DYTN: variants seen among roughly 807,000 people sequenced by gnomAD.
DYTN encodes the protein dystrotelin.
A neutral mutation model predicts 69.6 loss-of-function variants in DYTN; 75 were observed. That is an observed-to-expected ratio of 1.08 (90% CI 0.89 to 1.31). The LOEUF is 1.31. DYTN is among the 50% of genes most tolerant of loss of function. The probability of loss-of-function intolerance (pLI) is 0.00; values close to 1 mark genes in which losing one functional copy is unlikely to be tolerated. For synonymous variants in DYTN, 252 were observed against 249.1 expected, an observed-to-expected ratio of 1.01 and a Z score of -0.11; for missense variants, 726 against 688.4, an observed-to-expected ratio of 1.05 and a Z score of -0.61.
At chr2:206,718,201 C>T in intron 1 of DYTN, 60 bp downstream of exon 1, 1 of 1,536,736 alleles carries the variant, frequency 6.5e-7, no homozygotes. Context: ...GAAAATATAA[C>T]ATCTGTGCCT....
At position 206,665,943 on chromosome 2, in the gene DYTN, G is replaced by A; in HGVS notation, c.1067C>T (p.Thr356Ile). The change falls in exon 10 of 12, where the codon ACA (threonine) becomes ATA (isoleucine). Residue 356 changes from threonine (T) to isoleucine (I), a missense_variant. Physicochemically the swap from Thr to Ile is moderately conservative, Grantham distance 89. Transcript: ENST00000452335. ...GTTGGTTTTGAGTTTGTGAATCCTTGTTTCAAATCGACAAATTCTTTCTTC... is the reference window on the plus strand; with the variant it reads ...GTTGGTTTTGAGTTTGTGAATCCTTATTTCAAATCGACAAATTCTTTCTTC... ...SQEERICRFE[T>I]RIHKLKTNQD... The A allele has an allele frequency of 6.2e-7, 1 of 1,613,904 alleles. No homozygotes were observed. The highest frequency in any genetic ancestry group is 1.1e-5 in the South Asian group (1 of 91,082).
chr2:206,660,997 G>A (rs912240394), intron 11 of DYTN, among the ~76,000 whole-genome samples: 2 of 152,112 alleles, frequency 1.3e-5, no homozygotes, highest in Admixed American at 6.5e-5. Context: ...TCTTTAAAGA[G>A]ATAATTAAGT....
At chr2:206,658,059 CCTT>C (rs370650227) in intron 11 of DYTN, among the ~76,000 whole-genome samples, 41 of 152,044 alleles carry the variant, frequency 2.7e-4, no homozygotes, top group African/African-American at 9.6e-4. Flanking sequence ...TTCTTTTTTC[CCTT>C]CTTGTCAGAT....
intron 11 of DYTN, among the ~76,000 whole-genome samples, chr2:206,659,323 C>A (rs1451204155): frequency 1.3e-5 from 2 of 151,176 alleles, no homozygotes; most frequent in African/African-American, 4.9e-5. Flanking sequence ...AGGCTCCAGC[C>A]ACCACGCCCG....
intron 11 of DYTN, among the ~76,000 whole-genome samples, chr2:206,657,842 T>C (rs1310296168): frequency 1.3e-5 from 2 of 152,226 alleles, no homozygotes; most frequent in East Asian, 1.9e-4. Context: ...AGTGTTGAAG[T>C]CTTTCAGTTC....
intron 1 of DYTN, among the ~76,000 whole-genome samples, chr2:206,717,389 T>C (rs1700139882): frequency 6.6e-6 from 1 of 152,208 alleles, no homozygotes; most frequent in Non-Finnish European, 1.5e-5. Flanking sequence ...AGCAGCATCA[T>C]GTCACCTGGG....
chr2:206,712,271 G>C lies in DYTN; in HGVS notation c.20-1673C>G, dbSNP rs556044440. Among the ~76,000 whole-genome samples, 62 of 152,234 alleles carry C rather than the reference G, an allele frequency of 4.1e-4. 1 individual carries two copies. The highest frequency in any genetic ancestry group is 3.6e-3 in the Admixed American group (55 of 15,302). On this transcript the variant is annotated intron_variant, in intron 1 of 11. Coordinates refer to ENST00000452335, the MANE Select transcript of DYTN (RefSeq NM_001093730.1). Reference sequence around the variant, plus strand: ...CTTAGCAGGCCCCGGGGGTAAATCTGATGCAAACGAAAGTTTGAAAACTAC... The same window carrying C: ...CTTAGCAGGCCCCGGGGGTAAATCTCATGCAAACGAAAGTTTGAAAACTAC...
chr2:206,685,985 G>A (rs1433270376), intron 9 of DYTN, among the ~76,000 whole-genome samples: 2 of 113,006 alleles, frequency 1.8e-5, no homozygotes, highest in East Asian at 2.8e-4. Context: ...AATAGAGTGC[G>A]GAAAAAAAAA....
intron 2 of DYTN, 99 bp from the exon 3 acceptor site, chr2:206,707,602 TTATGGTCGC>T (rs1164326317): frequency 8.4e-7 from 1 of 1,196,476 alleles, no homozygotes; most frequent in Non-Finnish European, 1.2e-6. Context: ...TTAAGACTTT[TTATGGTCGC>T]TATTTTCTTT....
intron 5 of DYTN, among the ~76,000 whole-genome samples, chr2:206,700,810 G>A (rs765687391): frequency 2.0e-4 from 30 of 151,906 alleles, no homozygotes; most frequent in Admixed American, 1.4e-3. Flanking sequence ...CCCTCCCTGC[G>A]TCCATGTGTT....
rs201022078 is a variant in DYTN, at chr2:206,694,921, A to G, written c.720-44T>C. ...GCACAGCTTACGTCACTAGTAGATG[A>G]GAAAAAAAAAAAAAAAAGAATATCC... is the stretch of plus-strand genomic sequence containing the variant. On this transcript the variant is annotated intron_variant, in intron 7 of 11. Coordinates refer to ENST00000452335, the MANE Select transcript of DYTN (RefSeq NM_001093730.1). 4.6e-3 allele frequency: 4,588 copies of G among 1,005,728 alleles called. 7 individuals are homozygous for G. The highest frequency in any genetic ancestry group is 0.015 in the African/African-American group (657 of 43,554). 62.3% of individuals were successfully genotyped at this position (1,005,728 alleles called of 1,614,324 possible).
chr2:206,716,089 AAAAC>A (rs961791067), intron 1 of DYTN, among the ~76,000 whole-genome samples: 4 of 152,184 alleles, frequency 2.6e-5, no homozygotes, highest in South Asian at 2.1e-4. Flanking sequence ...TCCATCTCAA[AAAAC>A]AAACAAACAA....
chr2:206,702,621 C>T (rs1000015628), intron 5 of DYTN, among the ~76,000 whole-genome samples: 3 of 152,196 alleles, frequency 2.0e-5, no homozygotes, highest in Non-Finnish European at 4.4e-5. Flanking sequence ...AACTGGACCA[C>T]TTATTTAGAC....
At chr2:206,701,569 A>G (rs1418352014) in intron 5 of DYTN, among the ~76,000 whole-genome samples, 1 of 152,228 alleles carries the variant, frequency 6.6e-6, no homozygotes, top group Admixed American at 6.5e-5. Flanking sequence ...TCGCACTTAC[A>G]TGTGGAATCT....
intron 9 of DYTN, among the ~76,000 whole-genome samples, chr2:206,689,822 C>T (rs1699846559): frequency 6.6e-6 from 1 of 152,230 alleles, no homozygotes; most frequent in Non-Finnish European, 1.5e-5. Context: ...TTCACCTTAT[C>T]TATCCATCCA....
intron 9 of DYTN, among the ~76,000 whole-genome samples, chr2:206,673,404 C>T (rs1001276377): frequency 1.2e-4 from 18 of 152,092 alleles, no homozygotes; most frequent in South Asian, 2.1e-4. Flanking sequence ...ATTACAGGCA[C>T]GCACCACCAC....
chr2:206,660,143 T>A (rs1056401970), intron 11 of DYTN, among the ~76,000 whole-genome samples: 1 of 152,190 alleles, frequency 6.6e-6, no homozygotes, highest in African/African-American at 2.4e-5. Context: ...AAGTAAATAT[T>A]TTGAGACTTT....
intron 9 of DYTN, among the ~76,000 whole-genome samples, chr2:206,686,249 T>C (rs1699804550): frequency 6.6e-6 from 1 of 152,200 alleles, no homozygotes; most frequent in South Asian, 2.1e-4. Flanking sequence ...CAGGAAACGT[T>C]TTCTGTGAAA....
chr2:206,708,647 C>G (rs1231723081), intron 2 of DYTN, among the ~76,000 whole-genome samples: 1 of 152,178 alleles, frequency 6.6e-6, no homozygotes, highest in Non-Finnish European at 1.5e-5. Flanking sequence ...TTCTATATTA[C>G]ACCAAACCAG....
Sources: gnomAD v4.1 joint callset for allele counts (sites outside exome capture counted in the v4.1 genomes callset) on GRCh38, gnomAD v4.1.1 for gene constraint, MANE v1.5 for transcripts, NCBI Gene and HGNC (gene_info 2026-07-23, HGNC 2026-07-21) for gene names.